Variants in DNAH10 observed in about 807,000 individuals in gnomAD.
DNAH10 encodes dynein axonemal heavy chain 10.
In DNAH10, 348 loss-of-function variants were observed where a neutral mutation model predicts 506.6. That is an observed-to-expected ratio of 0.69 (90% confidence interval 0.63 to 0.75). DNAH10 has a LOEUF of 0.75. DNAH10 is among the 30% of genes least tolerant of loss of function. DNAH10 has a pLI of 0.00. For synonymous variants in DNAH10, 2,059 were observed against 2,198.6 expected (o/e 0.94, Z 1.78); for missense variants, 5,179 against 5,787.1 (o/e 0.89, Z 3.41).
chr12:123,881,810 T>C lies in DNAH10; in HGVS notation c.8820T>C (p.Cys2940=), dbSNP rs1272639144. Reference sequence around the variant, plus strand: ...GGCTGGCTGCCTTCACAGCCAGCTGTGAGGTCAGTCCACGTACCCTCCCAG... The same window carrying C: ...GGCTGGCTGCCTTCACAGCCAGCTGCGAGGTCAGTCCACGTACCCTCCCAG... ...LSRLAAFTAS[C]EVFEILLSRG... Residue 2940 remains cysteine (C), a synonymous_variant, in exon 51 of 79, where the codon TGT becomes TGC. Transcript: ENST00000673944. 4 of 1,511,394 alleles carry C rather than the reference T, an allele frequency of 2.6e-6. No homozygotes were observed. Among genetic ancestry groups the C allele is most frequent in the South Asian group, 2.5e-5 (2 of 78,768 alleles). The allele number at this position is 1,511,394 out of a possible 1,614,324, so 93.6% of individuals were successfully genotyped here.
intron 72 of DNAH10, 89 bp from the exon 73 acceptor site, chr12:123,930,313 G>A: frequency 7.7e-7 from 1 of 1,304,920 alleles, no homozygotes; most frequent in East Asian, 2.8e-5. Flanking sequence ...GGAGTCTCTT[G>A]ACCCTGGGTG....
intron 52 of DNAH10, among the ~76,000 whole-genome samples, chr12:123,888,073 A>C (rs1952818746): frequency 6.6e-6 from 1 of 152,204 alleles, no homozygotes; most frequent in Admixed American, 6.5e-5. Flanking sequence ...TTAGCCAGGC[A>C]TGATGGCGTG....
At chr12:123,883,739 G>A (rs936650214) in intron 51 of DNAH10, among the ~76,000 whole-genome samples, 3 of 152,090 alleles carry the variant, frequency 2.0e-5, no homozygotes, top group South Asian at 2.1e-4. Context: ...TTCTTTAGAC[G>A]TTTCTGCATT....
At chr12:123,824,466 A>C (rs1395526435) in intron 24 of DNAH10, among the ~76,000 whole-genome samples, 1 of 152,188 alleles carries the variant, frequency 6.6e-6, no homozygotes, top group Non-Finnish European at 1.5e-5. Flanking sequence ...CTGAGCCACC[A>C]GTTCAGATGG....
At position 123,850,173 on chromosome 12, in the gene DNAH10, C is replaced by T. The variant is rs1481727186; in HGVS notation, c.6103-715C>T. On this transcript the variant is annotated intron_variant, in intron 34 of 78. Coordinates refer to ENST00000673944, the MANE Select transcript of DNAH10 (RefSeq NM_001372106.1). This position sits in a 1 kb window ranked among gnomAD's most constrained non-coding sequence, Gnocchi z 5.5. ...CTCTCGTTGGTGATGCAGACTGTGC[C>T]TCCTAACAACAAAAATTTTCTGTCC... is the stretch of plus-strand genomic sequence containing the variant. Among the ~76,000 whole-genome samples the T allele has an allele frequency of 1.1e-5, 1 of 92,836 alleles. No homozygotes were observed. Among genetic ancestry groups the T allele is most frequent in the Non-Finnish European group, 2.2e-5 (1 of 45,352 alleles). 60.9% of individuals were successfully genotyped at this position (92,836 alleles called of 152,430 possible).
Position 123,782,415 on chromosome 12 carries a change from T to C in DNAH10, c.842-692T>C, listed in dbSNP as rs535253421. On this transcript the variant is annotated intron_variant, in intron 6 of 78. Transcript: ENST00000673944. The stretch of plus-strand genomic sequence containing the variant: ...CTTTCCTTTCTTTCTTTCTTTCTTT[T>C]TTTTTTTTTTTTTTGACAAGGTCTC... 7.7e-3 allele frequency among the ~76,000 whole-genome samples: 1,019 copies of C among 132,800 alleles called. 2 individuals carry two copies. The highest frequency in any genetic ancestry group is 0.011 in the African/African-American group (355 of 33,636). The allele number at this position is 132,800 out of a possible 152,430, so 87.1% of individuals were successfully genotyped here.
chr12:123,776,636 T>TAAA (rs532981261), intron 5 of DNAH10, among the ~76,000 whole-genome samples: 1 of 130,102 alleles, frequency 7.7e-6, no homozygotes. Context: ...ATTCCATCTC[T>TAAA]AAAAAAAAAA....
At chr12:123,766,299 A>ACCTACCT (rs1395282746) in intron 1 of DNAH10, among the ~76,000 whole-genome samples, 1 of 152,036 alleles carries the variant, frequency 6.6e-6, no homozygotes, top group African/African-American at 2.4e-5. Context: ...CTACCTACCT[A>ACCTACCT]CCTACCTACC....
rs564322666 is a variant in DNAH10, at chr12:123,902,326, T to C, written c.9641-613T>C. On this transcript the variant is annotated intron_variant, in intron 56 of 78. Coordinates refer to ENST00000673944, the MANE Select transcript of DNAH10 (RefSeq NM_001372106.1). The surrounding 1 kb of genome is among the most constrained non-coding windows in gnomAD (Gnocchi z 4.5). Reference sequence around the variant, plus strand: ...CACGAATCTTGGTGGGGTGACACTGTTCAAACCACTGTGAGCCAAGCCCTG... The same window carrying C: ...CACGAATCTTGGTGGGGTGACACTGCTCAAACCACTGTGAGCCAAGCCCTG... Among the ~76,000 whole-genome samples, 51 of 152,278 alleles carry C rather than the reference T, an allele frequency of 3.3e-4. No homozygotes were observed. The highest frequency in any genetic ancestry group is 1.2e-3 in the African/African-American group (48 of 41,566).
At chr12:123,927,294 C>A (rs181983645) in intron 69 of DNAH10, 75 of 170,954 alleles carry the variant, frequency 4.4e-4, no homozygotes, top group Non-Finnish European at 7.5e-4. Flanking sequence ...TGGGCTCAAG[C>A]GATCCTTCCA....
intron 34 of DNAH10, among the ~76,000 whole-genome samples, chr12:123,849,320 G>C (rs1951073927): frequency 6.6e-6 from 1 of 152,026 alleles, no homozygotes; most frequent in African/African-American, 2.4e-5. Flanking sequence ...GGATTTGCAA[G>C]GTTATCAAAG....
chr12:123,924,282 C>T lies in DNAH10; in HGVS notation c.11616C>T (p.Asn3872=). The T allele has an allele frequency of 6.2e-7, 1 of 1,608,050 alleles. No individual in the cohort carries two copies. Among genetic ancestry groups the T allele is most frequent in the Non-Finnish European group, 8.5e-7 (1 of 1,175,866 alleles). Residue 3872 remains asparagine, a synonymous_variant, in exon 67 of 79, where the codon AAC becomes AAT. Transcript: ENST00000673944. ...QEELDFFLKG[N]ISLEKSKRKK... is the part of the protein sequence containing the mutation. The stretch of plus-strand genomic sequence containing the variant: ...CTTCTCTTCTGTTGTGATTAGGAAA[C>T]ATTTCCCTGGAGAAAAGCAAAAGAA...
chr12:123,795,115 T>G (rs889491787), intron 12 of DNAH10, among the ~76,000 whole-genome samples: 30 of 127,552 alleles, frequency 2.4e-4, no homozygotes, highest in African/African-American at 9.1e-4. Flanking sequence ...GCGATTGCAC[T>G]CCAGCCTGGG....
intron 18 of DNAH10, among the ~76,000 whole-genome samples, chr12:123,806,105 T>G (rs78436653): frequency 0.011 from 1,600 of 152,200 alleles, 27 homozygotes; most frequent in African/African-American, 0.037. Flanking sequence ...TTTTTCGTTT[T>G]TTGCTTTCAT....
At chr12:123,799,143 AT>A in intron 13 of DNAH10, 102 bp from the exon 14 acceptor site, 1 of 695,300 alleles carries the variant, frequency 1.4e-6, no homozygotes. Flanking sequence ...GTTTATAATA[AT>A]TTATATATTA....
At position 123,824,334 on chromosome 12, in the gene DNAH10, G is replaced by C. The variant is rs142590698; in HGVS notation, c.4180-2353G>C. 1.1e-3 allele frequency among the ~76,000 whole-genome samples: 163 copies of C among 152,284 alleles called. 1 individual carries two copies. Among genetic ancestry groups the C allele is most frequent in the African/African-American group, 3.1e-3 (127 of 41,566 alleles). ...CGATGGTGAACATCTGGAATTCAGG[G>C]CAAGGTGATGTCTGCTGGACGTTCC... On this transcript the variant is annotated intron_variant, in intron 24 of 78. Coordinates refer to ENST00000673944, the MANE Select transcript of DNAH10 (RefSeq NM_001372106.1).
At chr12:123,906,081 C>A (rs1953763990) in intron 57 of DNAH10, among the ~76,000 whole-genome samples, 1 of 151,702 alleles carries the variant, frequency 6.6e-6, no homozygotes, top group South Asian at 2.1e-4. Context: ...AGACGCCCGC[C>A]ACGACGCCTG....
chr12:123,765,046 G>A (rs946738930), intron 1 of DNAH10, among the ~76,000 whole-genome samples: 1 of 152,012 alleles, frequency 6.6e-6, no homozygotes, highest in African/African-American at 2.4e-5. Context: ...CAGAGGACCT[G>A]CAGAGAGCCC....
intron 38 of DNAH10, 38 bp downstream of exon 38, chr12:123,859,306 A>T: frequency 6.8e-7 from 1 of 1,474,960 alleles, no homozygotes; most frequent in Non-Finnish European, 9.1e-7. Context: ...TGGCTGCCAC[A>T]GGGGCTCACA....
Sources: allele counts gnomAD v4.1 joint callset (sites outside exome capture counted in the v4.1 genomes callset), GRCh38; gene constraint gnomAD v4.1.1; non-coding constraint Gnocchi (gnomAD v3.1); transcripts MANE v1.5; gene names NCBI Gene and HGNC (gene_info 2026-07-23, HGNC 2026-07-21).